The following UNC5D variants were observed in gnomAD, a reference collection of about 807,000 sequenced individuals.
UNC5D encodes the protein unc-5 netrin receptor D.
A neutral mutation model predicts 105.4 loss-of-function variants in UNC5D; 39 were observed. The observed-to-expected ratio is 0.37, with a 90% confidence interval of 0.29 to 0.48. The LOEUF (loss-of-function observed/expected upper bound fraction) is 0.48, where lower values mean the gene tolerates loss of function less well. Among genes scored for constraint, UNC5D ranks in the 20% least tolerant of loss-of-function variants. UNC5D has a pLI of 0.98. For synonymous variants in UNC5D, 452 were observed against 450.4 expected (o/e 1.00, Z -0.04); for missense variants, 991 against 1,202.4 (o/e 0.82, Z 2.60).
rs1803109149 is a variant in UNC5D at position 35,792,964 on chromosome 8, A to G, written c.*2401A>G. 1 of 453,254 alleles carries G rather than the reference A, an allele frequency of 2.2e-6. No homozygotes were observed. The highest frequency in any genetic ancestry group is 4.4e-6 in the Non-Finnish European group (1 of 226,184). The allele number at this position is 453,254 out of a possible 1,614,324, so 28.1% of individuals were successfully genotyped here. A position where few individuals can be genotyped will look rare whatever the true frequency, so the allele number is the denominator to read the frequency against. On this transcript the variant is annotated 3_prime_UTR_variant, in exon 17 of 17. Coordinates refer to ENST00000404895, the MANE Select transcript of UNC5D (RefSeq NM_080872.4). ...CCCTGAATGTCTGGAGTTACCTCCC[A>G]TGGATTTTTTTTTCCTTTGGCCTGG...
Position 35,627,175 on chromosome 8 carries a change from A to T in UNC5D, c.570+31518A>T, listed in dbSNP as rs530430262. ...AGGGACAAGTAGGAAAAAGCTTTGC[A>T]TAGGTTCCATTACATTAGCCTCTTC... On this transcript the variant is annotated intron_variant, in intron 4 of 16. Coordinates refer to ENST00000404895, the MANE Select transcript of UNC5D (RefSeq NM_080872.4). Among the ~76,000 whole-genome samples, 38 of 152,368 alleles carry T rather than the reference A, an allele frequency of 2.5e-4. No homozygotes were observed. The South Asian group carries it at 7.9e-3, about 32-fold the overall frequency.
At chr8:35,419,038 A>T (rs1188612995) in intron 1 of UNC5D, among the ~76,000 whole-genome samples, 1 of 152,236 alleles carries the variant, frequency 6.6e-6, no homozygotes, top group Non-Finnish European at 1.5e-5. Flanking sequence ...GAAATCTTCC[A>T]GGAACACTTA....
At chr8:35,672,471 GC>G (rs1419128658) in intron 4 of UNC5D, among the ~76,000 whole-genome samples, 1 of 152,166 alleles carries the variant, frequency 6.6e-6, no homozygotes, top group Non-Finnish European at 1.5e-5. Context: ...TGGATATCAA[GC>G]TTTGGCAGCA....
intron 8 of UNC5D, among the ~76,000 whole-genome samples, chr8:35,719,622 G>C (rs745840400): frequency 3.2e-4 from 49 of 152,210 alleles, no homozygotes; most frequent in Admixed American, 1.4e-3. Context: ...AAATGACTGA[G>C]AATAGGAGCC....
intron 4 of UNC5D, among the ~76,000 whole-genome samples, chr8:35,608,302 G>A (rs538151652): frequency 1.5e-4 from 23 of 152,228 alleles, no homozygotes; most frequent in Admixed American, 2.0e-4. Context: ...AGAAATTCTC[G>A]GCTGAGAAGG....
intron 1 of UNC5D, among the ~76,000 whole-genome samples, chr8:35,430,220 G>A (rs1217267814): frequency 1.3e-5 from 2 of 152,006 alleles, no homozygotes; most frequent in Admixed American, 1.3e-4. Context: ...GTGGCCAGTG[G>A]TTTAATCAAT....
At chr8:35,564,096 T>C (rs1279520002) in intron 2 of UNC5D, among the ~76,000 whole-genome samples, 1 of 152,166 alleles carries the variant, frequency 6.6e-6, no homozygotes, top group Non-Finnish European at 1.5e-5. Flanking sequence ...CTGATTTTGG[T>C]ATCAGGGTAA....
chr8:35,641,666 A>C (rs1015223223), intron 4 of UNC5D, among the ~76,000 whole-genome samples: 1 of 152,278 alleles, frequency 6.6e-6, no homozygotes, highest in South Asian at 2.1e-4. Flanking sequence ...GGATAGAAAG[A>C]AAAGGATAAA....
intron 13 of UNC5D, among the ~76,000 whole-genome samples, chr8:35,752,731 A>G (rs1286200713): frequency 1.3e-5 from 2 of 152,236 alleles, no homozygotes; most frequent in Non-Finnish European, 2.9e-5. Context: ...TATCTTAAAT[A>G]GAGGGTTCAT....
chr8:35,769,098 A>T (rs1315265884), intron 15 of UNC5D, among the ~76,000 whole-genome samples: 2 of 152,188 alleles, frequency 1.3e-5, no homozygotes, highest in Admixed American at 6.5e-5. Context: ...TATATTTCAG[A>T]TATCATTTCA....
chr8:35,299,759 G>T (rs1168709995), intron 1 of UNC5D, among the ~76,000 whole-genome samples: 1 of 152,074 alleles, frequency 6.6e-6, no homozygotes, highest in East Asian at 1.9e-4. Flanking sequence ...TAGATGTTTT[G>T]CTATTACCTA....
intron 3 of UNC5D, 133 bp from the exon 4 acceptor site, chr8:35,595,421 C>G: frequency 1.4e-6 from 1 of 710,974 alleles, no homozygotes; most frequent in Non-Finnish European, 2.4e-6. Flanking sequence ...TCTAGAATTC[C>G]TGGAACAAGT....
chr8:35,756,761 A>C (rs971747980), intron 13 of UNC5D, among the ~76,000 whole-genome samples: 1 of 152,090 alleles, frequency 6.6e-6, no homozygotes, highest in African/African-American at 2.4e-5. Flanking sequence ...CTAAATCTTA[A>C]GTTCCCTTCA....
At chr8:35,662,380 A>G (rs1824163231) in intron 4 of UNC5D, among the ~76,000 whole-genome samples, 1 of 152,184 alleles carries the variant, frequency 6.6e-6, no homozygotes, top group Non-Finnish European at 1.5e-5. Context: ...GTGATGCTGC[A>G]TTACTGCCAA....
chr8:35,739,379 A>C (rs1176978910), intron 11 of UNC5D, among the ~76,000 whole-genome samples: 1 of 152,196 alleles, frequency 6.6e-6, no homozygotes, highest in Non-Finnish European at 1.5e-5. Context: ...TGTCATTTTA[A>C]GACCTGCTCT....
Position 35,235,634 on chromosome 8 carries a change from T to C in UNC5D, c.-151T>C. On this transcript the variant is annotated 5_prime_UTR_variant, in exon 1 of 17. Coordinates refer to ENST00000404895, the MANE Select transcript of UNC5D (RefSeq NM_080872.4). The stretch of plus-strand genomic sequence containing the variant: ...TGCCCATTCAGCGGCGGCTCGGAGC[T>C]CCCTGCCCCGCTGCTTTAGGAAGCG... 1.8e-6 allele frequency: 1 copy of C among 548,054 alleles called. No individual in the cohort carries two copies. The highest frequency in any genetic ancestry group is 2.7e-6 in the Non-Finnish European group (1 of 366,780). 33.9% of individuals were successfully genotyped at this position (548,054 alleles called of 1,614,324 possible).
chr8:35,372,770 A>G (rs759029308), intron 1 of UNC5D, among the ~76,000 whole-genome samples: 1 of 152,014 alleles, frequency 6.6e-6, no homozygotes, highest in Non-Finnish European at 1.5e-5. Context: ...CACCCAGCTA[A>G]TTTAAAACAC....
At chr8:35,790,060 G>A (rs973740942) in intron 16 of UNC5D, among the ~76,000 whole-genome samples, 2 of 152,094 alleles carry the variant, frequency 1.3e-5, no homozygotes, top group Non-Finnish European at 2.9e-5. Context: ...GCTGCAGTGA[G>A]CTGTGACTGT....
intron 1 of UNC5D, among the ~76,000 whole-genome samples, chr8:35,442,917 C>CACACACACACACACACACA (rs1377173650): frequency 6.6e-6 from 1 of 151,062 alleles, no homozygotes; most frequent in Non-Finnish European, 1.5e-5. Context: ...CACACACACA[C>CACACACACACACACACACA]ACACACACAC....
Sources: allele counts gnomAD v4.1 joint callset (sites outside exome capture counted in the v4.1 genomes callset), GRCh38; gene constraint gnomAD v4.1.1; transcripts MANE v1.5; gene names NCBI Gene and HGNC (gene_info 2026-07-23, HGNC 2026-07-21).